The following THADA variants were observed in gnomAD, a reference collection of about 807,000 sequenced individuals.
The protein encoded by THADA is THADA armadillo repeat containing, also known as tRNA (32-2'-O)-methyltransferase regulator THADA.
In THADA, 213 loss-of-function variants were observed where a neutral mutation model predicts 219.8. The observed-to-expected ratio is 0.97, with a 90% CI of 0.87 to 1.09. The LOEUF (loss-of-function observed/expected upper bound fraction) is 1.09. Ranked by LOEUF, THADA falls within the 50% of genes least tolerant of loss-of-function variation. The probability of loss-of-function intolerance (pLI) is 0.00; values close to 1 mark genes in which losing one functional copy is unlikely to be tolerated. For synonymous variants in THADA, 1,018 were observed against 828.9 expected, an observed-to-expected ratio of 1.23 and a Z score of -3.92; for missense variants, 2,956 against 2,311.3, an observed-to-expected ratio of 1.28 and a Z score of -5.72.
In THADA at chr2:43,541,335, C is replaced by A. The variant is rs1204097474; in HGVS notation, c.3107-19G>T. ...TCTTTACCTTAAACAAAAAAAAACA[C>A]AACGATTGCAACCTTGATTACTCAT... On this transcript the variant is annotated intron_variant, in intron 20 of 37. Coordinates refer to ENST00000405975, the MANE Select transcript of THADA (RefSeq NM_022065.5). The A allele has an allele frequency of 4.3e-6, 7 of 1,610,166 alleles. No individual in the cohort carries two copies. Among genetic ancestry groups the A allele is most frequent in the Non-Finnish European group, 5.9e-6 (7 of 1,178,394 alleles).
At chr2:43,577,318 A>C in intron 9 of THADA, 76 bp from the exon 10 acceptor site, 1 of 1,166,124 alleles carries the variant, frequency 8.6e-7, no homozygotes, top group Non-Finnish European at 1.2e-6. Context: ...ACAAACCCAA[A>C]CATCTCTTTC....
intron 34 of THADA, among the ~76,000 whole-genome samples, chr2:43,290,702 A>G (rs1427798619): frequency 6.6e-6 from 1 of 152,130 alleles, no homozygotes; most frequent in Non-Finnish European, 1.5e-5. Flanking sequence ...CTCAGGGTCC[A>G]CAATGTTATG....
chr2:43,303,087 A>AG (rs1676449681), intron 31 of THADA, among the ~76,000 whole-genome samples: 1 of 152,186 alleles, frequency 6.6e-6, no homozygotes. Flanking sequence ...AAGCTTCTTG[A>AG]GGCTAGTCTG....
At chr2:43,345,764 C>T (rs1243814010) in intron 29 of THADA, among the ~76,000 whole-genome samples, 1 of 152,106 alleles carries the variant, frequency 6.6e-6, no homozygotes, top group African/African-American at 2.4e-5. Context: ...GTCACAGGAT[C>T]GCAATTAATC....
chr2:43,481,893 A>T (rs186318810), intron 26 of THADA, among the ~76,000 whole-genome samples: 1 of 152,332 alleles, frequency 6.6e-6, no homozygotes, highest in Non-Finnish European at 1.5e-5. Flanking sequence ...TGATTGCTAC[A>T]TATTGACATG....
intron 15 of THADA, 41 bp downstream of exon 15, chr2:43,566,657 G>A: frequency 6.2e-7 from 1 of 1,600,554 alleles, no homozygotes; most frequent in Non-Finnish European, 8.5e-7. Context: ...TGTTTTGAAA[G>A]AAAACAAAAA....
chr2:43,485,262 C>A lies in THADA; in HGVS notation c.3808G>T (p.Ala1270Ser), dbSNP rs374571276. Residue 1270 changes from alanine to serine, a missense_variant, in exon 26 of 38, where the codon GCA becomes TCA. Transcript: ENST00000405975. ...TTTGTTTTGGAATGTTCATCCTTTG[C>A]CCTTTTAACTCCAAAAATTCTTGTG... ...LITRIFGVKR[A>S]KDEHSKTNRM... The A allele has an allele frequency of 1.5e-4, 236 of 1,612,628 alleles. No individual in the cohort carries two copies. The highest frequency in any genetic ancestry group is 2.0e-4 in the Non-Finnish European group (232 of 1,179,226).
At chr2:43,480,488 T>C (rs1482057857) in intron 26 of THADA, among the ~76,000 whole-genome samples, 3 of 152,124 alleles carry the variant, frequency 2.0e-5, no homozygotes, top group Non-Finnish European at 4.4e-5. Flanking sequence ...TAAATGCTTG[T>C]TCAGTGGAGA....
At chr2:43,362,188 G>C (rs563243333) in intron 29 of THADA, among the ~76,000 whole-genome samples, 3 of 152,352 alleles carry the variant, frequency 2.0e-5, no homozygotes, top group Admixed American at 2.0e-4. Flanking sequence ...AGGAAGCAAA[G>C]CGTCTTTCCT....
chr2:43,387,696 T>G (rs2104680177), intron 29 of THADA, among the ~76,000 whole-genome samples: 1 of 152,254 alleles, frequency 6.6e-6, no homozygotes, highest in East Asian at 1.9e-4. Flanking sequence ...GGGAAATGTC[T>G]AGAGACATTT....
chr2:43,298,926 A>G (rs1558542446), intron 31 of THADA, among the ~76,000 whole-genome samples: 1 of 152,196 alleles, frequency 6.6e-6, no homozygotes, highest in Non-Finnish European at 1.5e-5. Flanking sequence ...CAGGTTGAGC[A>G]TCTCTAATCT....
chr2:43,514,404 T>C (rs932723439), intron 22 of THADA, among the ~76,000 whole-genome samples: 1 of 148,280 alleles, frequency 6.7e-6, no homozygotes, highest in Non-Finnish European at 1.5e-5. Flanking sequence ...TGAGCTGAGA[T>C]CATGCCAAGG....
chr2:43,280,523 T>C (rs963698952), intron 35 of THADA, among the ~76,000 whole-genome samples: 1 of 152,064 alleles, frequency 6.6e-6, no homozygotes, highest in African/African-American at 2.4e-5. Flanking sequence ...TCCCAGCTAC[T>C]TGGGAGGCTG....
At chr2:43,570,000 A>G (rs967138249) in intron 14 of THADA, among the ~76,000 whole-genome samples, 5 of 152,336 alleles carry the variant, frequency 3.3e-5, no homozygotes, top group African/African-American at 1.2e-4. Context: ...AGAGTCATTA[A>G]TATCAAGCCT....
At chr2:43,501,307 C>CAA (rs60448094) in intron 24 of THADA, among the ~76,000 whole-genome samples, 832 of 15,034 alleles carry the variant, frequency 0.055, 132 homozygotes, top group Non-Finnish European at 0.072. Context: ...ACTCCAACTC[C>CAA]AAAAAAAAAA....
At chr2:43,587,232 A>T (rs1701121517) in intron 4 of THADA, among the ~76,000 whole-genome samples, 1 of 152,158 alleles carries the variant, frequency 6.6e-6, no homozygotes, top group Admixed American at 6.5e-5. Flanking sequence ...TCAACAGAAC[A>T]GGCAGAGTGA....
intron 22 of THADA, among the ~76,000 whole-genome samples, chr2:43,523,694 C>T (rs1392865434): frequency 2.0e-5 from 3 of 152,052 alleles, no homozygotes; most frequent in African/African-American, 7.2e-5. Context: ...TATTTAATGA[C>T]AAAAACTACT....
intron 31 of THADA, among the ~76,000 whole-genome samples, chr2:43,297,005 CTGGGATGTGAGGAG>C (rs1675488779): frequency 1.1e-5 from 1 of 94,596 alleles, no homozygotes; most frequent in African/African-American, 6.3e-5. Flanking sequence ...CGCCCATCGT[CTGGGATGTGAGGAG>C]CCCCTCTGCC....
chr2:43,455,226 C>G (rs1682840162), intron 26 of THADA, among the ~76,000 whole-genome samples: 1 of 152,084 alleles, frequency 6.6e-6, no homozygotes, highest in African/African-American at 2.4e-5. Flanking sequence ...GAAATTTTTA[C>G]TTGGGCTATC....
Sources: allele counts gnomAD v4.1 joint callset (sites outside exome capture counted in the v4.1 genomes callset), GRCh38; gene constraint gnomAD v4.1.1; transcripts MANE v1.5; gene names NCBI Gene and HGNC (gene_info 2026-07-23, HGNC 2026-07-21).